The following KCND2 variants were observed in gnomAD, a reference collection of about 807,000 sequenced individuals.
KCND2 encodes the protein potassium voltage-gated channel subfamily D member 2.
A neutral mutation model predicts 54.4 loss-of-function variants in KCND2; 16 were observed. That is an observed-to-expected ratio of 0.29 (90% CI 0.20 to 0.45). The LOEUF (loss-of-function observed/expected upper bound fraction) is 0.45. KCND2 is among the 20% of genes least tolerant of loss of function. The probability of loss-of-function intolerance (pLI) is 1.00; values close to 1 mark genes in which losing one functional copy is unlikely to be tolerated. For synonymous variants in KCND2, 317 were observed against 310.7 expected, an observed-to-expected ratio of 1.02 and a Z score of -0.21; for missense variants, 486 against 824.2, an observed-to-expected ratio of 0.59 and a Z score of 5.02.
rs1332091208 is a variant in KCND2 at position 120,402,107 on chromosome 7, C to A, written c.1115+126360C>A. On this transcript the variant is annotated intron_variant, in intron 1 of 5. Transcript: ENST00000331113. ...AATGAGTTCAGAATGAAGCAGAATGCCTAAGACATTTTACATCTTGACTTG... is the reference window on the plus strand; with the variant it reads ...AATGAGTTCAGAATGAAGCAGAATGACTAAGACATTTTACATCTTGACTTG... 2.0e-5 allele frequency among the ~76,000 whole-genome samples: 3 copies of A among 152,110 alleles called. No individual in the cohort carries two copies. In the East Asian group the frequency reaches 5.8e-4, roughly 29 times the overall value.
Position 120,428,621 on chromosome 7 carries a change from G to T in KCND2, c.1115+152874G>T, listed in dbSNP as rs117988187. Among the ~76,000 whole-genome samples, 67 of 152,280 alleles carry T rather than the reference G, an allele frequency of 4.4e-4. No homozygotes were observed. In the East Asian group the frequency reaches 0.012, roughly 28 times the overall value. Reference sequence around the variant, plus strand: ...GTCAGATTACAAAGCTTTAACTTATGATAAGGCACTTTGGACTTTATACTA... The same window carrying T: ...GTCAGATTACAAAGCTTTAACTTATTATAAGGCACTTTGGACTTTATACTA... On this transcript the variant is annotated intron_variant, in intron 1 of 5. Transcript: ENST00000331113.
intron 1 of KCND2, among the ~76,000 whole-genome samples, chr7:120,317,129 C>T (rs904350192): frequency 3.9e-5 from 6 of 152,010 alleles, no homozygotes; most frequent in African/African-American, 9.7e-5. Context: ...GCCACCACGC[C>T]GGGCCCTAAT....
chr7:120,489,928 TG>T (rs1802753269), intron 1 of KCND2, among the ~76,000 whole-genome samples: 1 of 152,088 alleles, frequency 6.6e-6, no homozygotes, highest in African/African-American at 2.4e-5. Flanking sequence ...ACACCTACCC[TG>T]ATAGGTGGGC....
At chr7:120,394,755 G>C (rs1801129198) in intron 1 of KCND2, among the ~76,000 whole-genome samples, 1 of 151,918 alleles carries the variant, frequency 6.6e-6, no homozygotes. Flanking sequence ...AAGTAAGATG[G>C]AATCAGTCAT....
At chr7:120,741,385 T>C (rs2116175199) in intron 2 of KCND2, 149 bp from the exon 3 acceptor site, 1 of 664,436 alleles carries the variant, frequency 1.5e-6, no homozygotes, top group East Asian at 2.8e-5. Flanking sequence ...CTTAAAAAGG[T>C]AGAGAGGTAA....
intron 1 of KCND2, among the ~76,000 whole-genome samples, chr7:120,367,095 G>A (rs988633950): frequency 6.6e-6 from 1 of 152,092 alleles, no homozygotes; most frequent in African/African-American, 2.4e-5. Context: ...CCATTGCTAT[G>A]TCTTTATGAT....
intron 1 of KCND2, among the ~76,000 whole-genome samples, chr7:120,408,153 A>G (rs575954151): frequency 6.6e-6 from 1 of 152,072 alleles, no homozygotes; most frequent in South Asian, 2.1e-4. Context: ...GATGCGAAGG[A>G]GAAGGAAGAA....
chr7:120,453,723 C>T (rs1802151195), intron 1 of KCND2, among the ~76,000 whole-genome samples: 1 of 152,114 alleles, frequency 6.6e-6, no homozygotes. Context: ...TATATTAATA[C>T]TAGAATTTCT....
At chr7:120,561,832 G>A (rs957581565) in intron 1 of KCND2, among the ~76,000 whole-genome samples, 3 of 151,900 alleles carry the variant, frequency 2.0e-5, no homozygotes, top group African/African-American at 4.8e-5. Flanking sequence ...GGCTGGCCGC[G>A]AACTCCTTAC....
At position 120,741,067 on chromosome 7, in the gene KCND2, G is replaced by A. The variant is rs1377114762; in HGVS notation, c.1279-467G>A. ...ATTCTTAAAAAAAAAAAAAAAGAAAGGAAGGAAGGAAGGCAATCAGTTCTT... is the reference window on the plus strand; with the variant it reads ...ATTCTTAAAAAAAAAAAAAAAGAAAAGAAGGAAGGAAGGCAATCAGTTCTT... On this transcript the variant is annotated intron_variant, in intron 2 of 5. Coordinates refer to ENST00000331113, the MANE Select transcript of KCND2 (RefSeq NM_012281.3). Among the ~76,000 whole-genome samples the A allele has an allele frequency of 2.0e-5, 3 of 151,064 alleles. 1 individual carries two copies. The highest frequency in any genetic ancestry group is 2.0e-4 in the Admixed American group (3 of 15,138).
chr7:120,673,979 G>A (rs1327101568), intron 1 of KCND2, among the ~76,000 whole-genome samples: 1 of 149,512 alleles, frequency 6.7e-6, no homozygotes, highest in Non-Finnish European at 1.5e-5. Flanking sequence ...ATCTCAGCTC[G>A]CTGCAACCTC....
chr7:120,362,545 A>G (rs569489317), intron 1 of KCND2, among the ~76,000 whole-genome samples: 106 of 152,194 alleles, frequency 7.0e-4, no homozygotes, highest in African/African-American at 2.4e-3. Context: ...GTTGCAGTGT[A>G]TGAATTATAG....
intron 1 of KCND2, among the ~76,000 whole-genome samples, chr7:120,360,106 C>T (rs555942891): frequency 5.3e-5 from 8 of 152,012 alleles, no homozygotes; most frequent in Admixed American, 2.0e-4. Flanking sequence ...CTTTTGGAGG[C>T]AGTATAACTC....
intron 1 of KCND2, among the ~76,000 whole-genome samples, chr7:120,324,530 T>C (rs1379701054): frequency 6.6e-6 from 1 of 150,474 alleles, no homozygotes; most frequent in East Asian, 2.0e-4. Context: ...CTAGCCAGTT[T>C]TCCCAGCACC....
At chr7:120,745,718 A>ATG in intron 4 of KCND2, 62 bp from the exon 5 acceptor site, 1 of 1,546,694 alleles carries the variant, frequency 6.5e-7, no homozygotes, top group Non-Finnish European at 8.9e-7. Flanking sequence ...AAATAAAGCT[A>ATG]TGTATTTCGT....
chr7:120,698,724 G>A (rs539773431), intron 1 of KCND2, among the ~76,000 whole-genome samples: 2 of 152,302 alleles, frequency 1.3e-5, no homozygotes, highest in African/African-American at 4.8e-5. Flanking sequence ...CCAAAAGGTA[G>A]ACCAGCTTTC....
chr7:120,635,802 C>A (rs1793297683), intron 1 of KCND2, among the ~76,000 whole-genome samples: 1 of 152,098 alleles, frequency 6.6e-6, no homozygotes, highest in South Asian at 2.1e-4. Context: ...AAAATGTTAT[C>A]TTTGACTTTG....
intron 1 of KCND2, among the ~76,000 whole-genome samples, chr7:120,621,276 C>CAAAAAAAAAAAAAAAAAAAAAAAAA (rs1175736454): frequency 1.3e-4 from 6 of 47,190 alleles, no homozygotes; most frequent in African/African-American, 4.1e-4. Flanking sequence ...GACTCCGTCT[C>CAAAAAAAAAAAAAAAAAAAAAAAAA]AAAAAAAAAA....
chr7:120,700,444 A>G (rs905036220), intron 1 of KCND2, among the ~76,000 whole-genome samples: 1 of 152,168 alleles, frequency 6.6e-6, no homozygotes, highest in Non-Finnish European at 1.5e-5. Context: ...ACAAAGCCAC[A>G]TTTCTATTTG....
Sources: gnomAD v4.1 joint callset for allele counts (sites outside exome capture counted in the v4.1 genomes callset) on GRCh38, gnomAD v4.1.1 for gene constraint, MANE v1.5 for transcripts, NCBI Gene and HGNC (gene_info 2026-07-23, HGNC 2026-07-21) for gene names.